Variants in PKIB observed in about 807,000 individuals in gnomAD.
PKIB encodes cAMP-dependent protein kinase inhibitor beta.
In PKIB, 2 loss-of-function variants were observed where a neutral mutation model predicts 4.5. The ratio of observed to expected loss-of-function variants is 0.44; its 90% CI spans 0.18 to 1.39. PKIB has a LOEUF of 1.39. Ranked by LOEUF, PKIB falls within the 40% of genes most tolerant of loss-of-function variation. The pLI, the probability that PKIB is intolerant of heterozygous loss-of-function variation, is 0.27. For synonymous variants in PKIB, 38 were observed against 36.0 expected (o/e 1.06, Z -0.20); for missense variants, 94 against 92.6 (o/e 1.02, Z -0.06).
chr6:122,630,588 G>A (rs1022129779), intron 1 of PKIB, among the ~76,000 whole-genome samples: 1 of 152,106 alleles, frequency 6.6e-6, no homozygotes, highest in African/African-American at 2.4e-5. Context: ...AGACAAAAAA[G>A]TTGTGGAGAT....
intron 2 of PKIB, among the ~76,000 whole-genome samples, chr6:122,571,662 T>G (rs117901138): frequency 2.0e-3 from 298 of 152,310 alleles, no homozygotes; most frequent in Non-Finnish European, 3.4e-3. Context: ...AATGGAGAGA[T>G]AAAGTATTTT....
intron 4 of PKIB, among the ~76,000 whole-genome samples, chr6:122,721,836 A>T (rs1779757621): frequency 6.6e-6 from 1 of 151,940 alleles, no homozygotes; most frequent in South Asian, 2.1e-4. Context: ...ATGTTTTTCC[A>T]AGCTAGGCTT....
At chr6:122,646,626 G>C (rs1166120134) in intron 2 of PKIB, among the ~76,000 whole-genome samples, 2 of 152,086 alleles carry the variant, frequency 1.3e-5, no homozygotes, top group African/African-American at 2.4e-5. Context: ...GAAAAAATCC[G>C]TGTTTCTTTT....
chr6:122,554,584 G>A (rs897720464), intron 2 of PKIB, among the ~76,000 whole-genome samples: 2 of 152,198 alleles, frequency 1.3e-5, no homozygotes, highest in African/African-American at 2.4e-5. Flanking sequence ...ACAGTGGAAA[G>A]ATAACTGAGC....
intron 2 of PKIB, among the ~76,000 whole-genome samples, chr6:122,502,228 C>T (rs1468633697): frequency 1.3e-5 from 2 of 152,032 alleles, no homozygotes; most frequent in Non-Finnish European, 2.9e-5. Context: ...CTGAGCTCTC[C>T]ATACTGTTCC....
chr6:122,660,701 C>T (rs1382633871), intron 2 of PKIB, among the ~76,000 whole-genome samples: 2 of 152,028 alleles, frequency 1.3e-5, no homozygotes, highest in African/African-American at 2.4e-5. Context: ...ATTCTATAGC[C>T]TAAAGGATTA....
intron 1 of PKIB, among the ~76,000 whole-genome samples, chr6:122,474,171 T>G (rs1260064265): frequency 6.6e-6 from 1 of 152,186 alleles, no homozygotes; most frequent in Admixed American, 6.5e-5. Context: ...TGCTATCTAA[T>G]AACTCAGTTC....
intron 2 of PKIB, among the ~76,000 whole-genome samples, chr6:122,543,952 G>A (rs1190833558): frequency 6.6e-6 from 1 of 151,678 alleles, no homozygotes; most frequent in Non-Finnish European, 1.5e-5. Context: ...ATTTTATATT[G>A]ATAATATATA....
At chr6:122,494,175 A>G (rs971869129) in intron 2 of PKIB, among the ~76,000 whole-genome samples, 69 of 152,310 alleles carry the variant, frequency 4.5e-4, no homozygotes, top group African/African-American at 1.6e-3. Flanking sequence ...TTAAATCCAA[A>G]CACCAAAAGT....
At chr6:122,557,852 T>A (rs1420139144) in intron 2 of PKIB, among the ~76,000 whole-genome samples, 1 of 152,198 alleles carries the variant, frequency 6.6e-6, no homozygotes, top group Non-Finnish European at 1.5e-5. Flanking sequence ...CCCTTTGGAT[T>A]TGCAGTTACC....
At chr6:122,630,397 A>G (rs1775646913) in intron 1 of PKIB, among the ~76,000 whole-genome samples, 1 of 152,286 alleles carries the variant, frequency 6.6e-6, no homozygotes, top group South Asian at 2.1e-4. Context: ...TGCCACATAG[A>G]TAAACTTTGA....
At chr6:122,721,146 C>A (rs757624628) in intron 4 of PKIB, among the ~76,000 whole-genome samples, 30 of 152,246 alleles carry the variant, frequency 2.0e-4, no homozygotes, top group Admixed American at 4.6e-4. Context: ...AAGACGGAGC[C>A]TTAGAAGTCC....
At chr6:122,573,992 A>T (rs777091730) in intron 2 of PKIB, among the ~76,000 whole-genome samples, 15 of 152,318 alleles carry the variant, frequency 9.8e-5, no homozygotes, top group Admixed American at 2.0e-4. Flanking sequence ...ATCTCTGTTC[A>T]CCCATGATAT....
At chr6:122,512,026 C>T (rs1776603208) in intron 2 of PKIB, among the ~76,000 whole-genome samples, 1 of 152,160 alleles carries the variant, frequency 6.6e-6, no homozygotes, top group Non-Finnish European at 1.5e-5. Flanking sequence ...TTGTGGCTTT[C>T]CACAACTTAT....
At chr6:122,579,784 T>C (rs1773652789) in intron 2 of PKIB, among the ~76,000 whole-genome samples, 1 of 152,202 alleles carries the variant, frequency 6.6e-6, no homozygotes, top group African/African-American at 2.4e-5. Flanking sequence ...CAGGTTCAGC[T>C]TGGAGAAATC....
chr6:122,536,453 C>T (rs192324313), intron 2 of PKIB, among the ~76,000 whole-genome samples: 6 of 152,232 alleles, frequency 3.9e-5, no homozygotes, highest in Non-Finnish European at 8.8e-5. Context: ...ATAGGGACAT[C>T]TCTGACTATA....
intron 2 of PKIB, among the ~76,000 whole-genome samples, chr6:122,523,289 A>G (rs1032102861): frequency 6.6e-6 from 1 of 152,178 alleles, no homozygotes; most frequent in African/African-American, 2.4e-5. Context: ...GAAGTGTATT[A>G]CATTAATCTA....
intron 3 of PKIB, among the ~76,000 whole-genome samples, chr6:122,705,196 G>A (rs1228077081): frequency 2.0e-5 from 3 of 152,102 alleles, no homozygotes; most frequent in Non-Finnish European, 4.4e-5. Context: ...ATTTTGTGGT[G>A]CCTTTGTGAG....
intron 2 of PKIB, among the ~76,000 whole-genome samples, chr6:122,544,320 G>A (rs974862313): frequency 6.6e-6 from 1 of 151,532 alleles, no homozygotes; most frequent in African/African-American, 2.4e-5. Context: ...CTTATAAAAT[G>A]TCTAAAGAAA....
Sources: allele counts gnomAD v4.1 joint callset (sites outside exome capture counted in the v4.1 genomes callset), GRCh38; gene constraint gnomAD v4.1.1; transcripts MANE v1.5; gene names NCBI Gene and HGNC (gene_info 2026-07-23, HGNC 2026-07-21).